TMTC2: variants seen among roughly 807,000 people sequenced by gnomAD.
TMTC2 encodes the protein protein O-mannosyl-transferase TMTC2.
In TMTC2, 43 loss-of-function variants were observed where a neutral mutation model predicts 82.4. That is an observed-to-expected ratio of 0.52 (90% confidence interval 0.41 to 0.67). The LOEUF (loss-of-function observed/expected upper bound fraction) is 0.67. Ranked by LOEUF, TMTC2 falls within the 30% of genes least tolerant of loss-of-function variation. TMTC2 has a pLI of 0.00. For synonymous variants in TMTC2, 408 were observed against 381.9 expected, an observed-to-expected ratio of 1.07 and a Z score of -0.80; for missense variants, 919 against 1,012.4, an observed-to-expected ratio of 0.91 and a Z score of 1.25.
intron 8 of TMTC2, among the ~76,000 whole-genome samples, chr12:83,016,499 T>C (rs1565854216): frequency 6.6e-6 from 1 of 152,210 alleles, no homozygotes; most frequent in Non-Finnish European, 1.5e-5. Context: ...AATCTTCAAT[T>C]TGATAAGGGC....
rs377648208 is a variant in TMTC2 at position 82,737,369 on chromosome 12, GT to G, written c.83+49701del. On this transcript the variant is annotated intron_variant, in intron 1 of 11. Coordinates refer to ENST00000321196, the MANE Select transcript of TMTC2 (RefSeq NM_152588.3). ...AAGTGACACCACTGTGAGAGTAATG[GT>G]AATAAAAATTGTTACGTGCAGCACT... 1.0e-3 allele frequency among the ~76,000 whole-genome samples: 153 copies of G among 152,058 alleles called. 1 individual carries two copies. The highest frequency in any genetic ancestry group is 3.5e-3 in the African/African-American group (145 of 41,502).
At chr12:82,740,918 A>T (rs544123099) in intron 1 of TMTC2, among the ~76,000 whole-genome samples, 1 of 152,174 alleles carries the variant, frequency 6.6e-6, no homozygotes, top group Non-Finnish European at 1.5e-5. Flanking sequence ...GTGTCTTCCA[A>T]ACTCGAGCAC....
At position 83,076,407 on chromosome 12, in the gene TMTC2, C is replaced by A. The variant is rs369826603; in HGVS notation, c.2331+14576C>A. On this transcript the variant is annotated intron_variant, in intron 11 of 11. Coordinates refer to ENST00000321196, the MANE Select transcript of TMTC2 (RefSeq NM_152588.3). ...AACATATTTCTTTTTACTCACATTTCTTTGTGGGGGTATCTTTTGCATGGA... is the reference window on the plus strand; with the variant it reads ...AACATATTTCTTTTTACTCACATTTATTTGTGGGGGTATCTTTTGCATGGA... Among the ~76,000 whole-genome samples the A allele has an allele frequency of 3.8e-4, 58 of 152,266 alleles. 1 individual carries two copies. The highest frequency in any genetic ancestry group is 7.9e-4 in the African/African-American group (33 of 41,560).
chr12:83,086,257 C>T (rs1053849035), intron 11 of TMTC2, among the ~76,000 whole-genome samples: 5 of 151,560 alleles, frequency 3.3e-5, no homozygotes, highest in African/African-American at 1.2e-4. Flanking sequence ...GCGCAGTGGC[C>T]GGGCAGAGGT....
At chr12:82,895,151 A>G (rs997104494) in intron 2 of TMTC2, among the ~76,000 whole-genome samples, 1 of 152,000 alleles carries the variant, frequency 6.6e-6, no homozygotes, top group Non-Finnish European at 1.5e-5. Context: ...TGTCATCAAC[A>G]TGAAAAATTT....
chr12:82,735,452 T>C (rs1875045642), intron 1 of TMTC2, among the ~76,000 whole-genome samples: 1 of 151,694 alleles, frequency 6.6e-6, no homozygotes, highest in Admixed American at 6.6e-5. Flanking sequence ...TTCATGCCAT[T>C]CTCCTGTCTC....
intron 8 of TMTC2, among the ~76,000 whole-genome samples, chr12:82,991,739 GAA>G (rs1043981667): frequency 1.8e-4 from 28 of 152,284 alleles, no homozygotes; most frequent in African/African-American, 6.7e-4. Flanking sequence ...CAAGTGCCAT[GAA>G]TTTAAAATTG....
chr12:83,081,169 C>A (rs1883453342), intron 11 of TMTC2, among the ~76,000 whole-genome samples: 1 of 152,136 alleles, frequency 6.6e-6, no homozygotes, highest in Non-Finnish European at 1.5e-5. Context: ...TCTGAAAATG[C>A]AAGAACTCAG....
At chr12:82,867,020 A>G (rs1393182789) in intron 2 of TMTC2, among the ~76,000 whole-genome samples, 1 of 152,166 alleles carries the variant, frequency 6.6e-6, no homozygotes, top group Non-Finnish European at 1.5e-5. Flanking sequence ...TCTTTCTTCA[A>G]AAAGGATAAT....
intron 7 of TMTC2, among the ~76,000 whole-genome samples, chr12:82,984,393 A>G (rs985651969): frequency 1.3e-5 from 2 of 152,166 alleles, no homozygotes; most frequent in African/African-American, 4.8e-5. Context: ...AGGGCATTCA[A>G]AAGATCAAGA....
At chr12:82,784,714 T>G (rs1296673589) in intron 1 of TMTC2, among the ~76,000 whole-genome samples, 7 of 152,142 alleles carry the variant, frequency 4.6e-5, no homozygotes, top group Non-Finnish European at 8.8e-5. Context: ...TGGTATGTTG[T>G]CAGAGCAATT....
At chr12:82,948,853 ATT>A (rs35592744) in intron 4 of TMTC2, among the ~76,000 whole-genome samples, 8 of 149,674 alleles carry the variant, frequency 5.3e-5, no homozygotes, top group Admixed American at 1.3e-4. Flanking sequence ...CTCAAAAGCT[ATT>A]TTTTTTTTTC....
chr12:83,048,818 AC>A (rs1347535606), intron 9 of TMTC2, among the ~76,000 whole-genome samples: 1 of 152,094 alleles, frequency 6.6e-6, no homozygotes, highest in Non-Finnish European at 1.5e-5. Flanking sequence ...GCAGGCACCC[AC>A]CACTGTGCCT....
At chr12:83,128,012 G>C (rs898490745) in intron 11 of TMTC2, among the ~76,000 whole-genome samples, 16 of 152,130 alleles carry the variant, frequency 1.1e-4, no homozygotes, top group African/African-American at 3.9e-4. Flanking sequence ...AGGAATGTCT[G>C]GTTCTCCTTT....
At chr12:82,771,457 G>A (rs1476782403) in intron 1 of TMTC2, among the ~76,000 whole-genome samples, 1 of 152,066 alleles carries the variant, frequency 6.6e-6, no homozygotes, top group Non-Finnish European at 1.5e-5. Context: ...CCATCAGCAG[G>A]AAGTAGATAA....
chr12:83,079,320 A>C (rs187042714), intron 11 of TMTC2, among the ~76,000 whole-genome samples: 4 of 152,192 alleles, frequency 2.6e-5, no homozygotes, highest in African/African-American at 9.6e-5. Flanking sequence ...TTTATAGCAT[A>C]AGGATTCTAA....
rs138291207 is a variant in TMTC2, at chr12:83,132,462, T to G, written c.*73T>G. On this transcript the variant is annotated 3_prime_UTR_variant, in exon 12 of 12. Coordinates refer to ENST00000321196, the MANE Select transcript of TMTC2 (RefSeq NM_152588.3). ...CTTAGCAGACAGAACTTCCCAGCAG[T>G]GCTATGACAAGAGCTGGTGTTAGAC... is the stretch of plus-strand genomic sequence containing the variant. The G allele has an allele frequency of 5.4e-4, 837 of 1,538,504 alleles. 6 individuals carry two copies. In the African/African-American group the frequency reaches 0.011, roughly 19 times the overall value.
At chr12:83,032,979 A>G (rs994374327) in intron 9 of TMTC2, among the ~76,000 whole-genome samples, 5 of 152,216 alleles carry the variant, frequency 3.3e-5, no homozygotes, top group Non-Finnish European at 7.3e-5. Flanking sequence ...TTTGGCATAC[A>G]TACATTATAA....
At chr12:82,692,884 C>T (rs1430510455) in intron 1 of TMTC2, among the ~76,000 whole-genome samples, 4 of 152,100 alleles carry the variant, frequency 2.6e-5, no homozygotes, top group Non-Finnish European at 5.9e-5. Flanking sequence ...GTGAAAAAGG[C>T]ATAATATTTT....
Sources: allele counts gnomAD v4.1 joint callset (sites outside exome capture counted in the v4.1 genomes callset), GRCh38; gene constraint gnomAD v4.1.1; transcripts MANE v1.5; gene names NCBI Gene and HGNC (gene_info 2026-07-23, HGNC 2026-07-21).